Variants in AP3S2 observed in about 807,000 individuals in gnomAD.
AP3S2 encodes adaptor related protein complex 3 subunit sigma 2.
A neutral mutation model predicts 23.4 loss-of-function variants in AP3S2; 22 were observed. The ratio of observed to expected loss-of-function variants is 0.94; its 90% CI spans 0.67 to 1.34. The LOEUF is 1.34. Ranked by LOEUF, AP3S2 falls within the 40% of genes most tolerant of loss-of-function variation. AP3S2 has a pLI of 0.00. For synonymous variants in AP3S2, 86 were observed against 87.1 expected (o/e 0.99, Z 0.07); for missense variants, 241 against 236.9 (o/e 1.02, Z -0.11).
intron 4 of AP3S2, among the ~76,000 whole-genome samples, chr15:89,840,111 TGAA>T (rs1199068246): frequency 6.6e-6 from 1 of 152,142 alleles, no homozygotes; most frequent in African/African-American, 2.4e-5. Context: ...TTTTGCAAGA[TGAA>T]GAGCTCTGGA....
rs1895062804 is a variant in AP3S2 at position 89,830,844 on chromosome 15, C to T, written c.*4671G>A. ...CTGTACAGGGTGATGGGGAGGCCCT[C>T]CTCCCTGGAGAGGGCGGCATGATCC... On this transcript the variant is annotated 3_prime_UTR_variant, in exon 6 of 6. Transcript: ENST00000336418. 6.6e-6 allele frequency: 1 copy of T among 152,288 alleles called. No individual in the cohort carries two copies. Among genetic ancestry groups the T allele is most frequent in the Admixed American group, 6.5e-5 (1 of 15,280 alleles). 9.4% of individuals were successfully genotyped at this position (152,288 alleles called of 1,614,324 possible).
At chr15:89,843,466 C>T (rs1287034089) in intron 4 of AP3S2, among the ~76,000 whole-genome samples, 6 of 151,884 alleles carry the variant, frequency 4.0e-5, no homozygotes, top group South Asian at 4.2e-4. Flanking sequence ...GGTGAAACCC[C>T]GTCTCTACTA....
intron 4 of AP3S2, among the ~76,000 whole-genome samples, chr15:89,846,654 G>C (rs1895499482): frequency 6.6e-6 from 1 of 152,068 alleles, no homozygotes; most frequent in Admixed American, 6.5e-5. Flanking sequence ...AGCCTCCCGA[G>C]TAGCTGGGAC....
At chr15:89,869,350 G>GT (rs1299992169) in intron 4 of AP3S2, among the ~76,000 whole-genome samples, 1 of 148,824 alleles carries the variant, frequency 6.7e-6, no homozygotes, top group African/African-American at 2.5e-5. Flanking sequence ...GATGTGCTTT[G>GT]TTAAACAGAT....
chr15:89,858,703 T>G (rs998890455), intron 4 of AP3S2, among the ~76,000 whole-genome samples: 1 of 152,226 alleles, frequency 6.6e-6, no homozygotes, highest in African/African-American at 2.4e-5. Flanking sequence ...ACAATTCGTT[T>G]TATCTGCAAC....
intron 3 of AP3S2, among the ~76,000 whole-genome samples, chr15:89,875,472 C>T (rs376268505): frequency 3.2e-4 from 48 of 152,248 alleles, no homozygotes; most frequent in African/African-American, 9.6e-4. Flanking sequence ...AAACACAAAG[C>T]GCATGCTGAT....
At chr15:89,863,065 T>A (rs1479068259) in intron 4 of AP3S2, among the ~76,000 whole-genome samples, 1 of 151,992 alleles carries the variant, frequency 6.6e-6, no homozygotes, top group East Asian at 1.9e-4. Context: ...CAGGGTTCTA[T>A]ATGACAGAAA....
At chr15:89,892,172 G>A (rs1306220512) in intron 1 of AP3S2, among the ~76,000 whole-genome samples, 1 of 152,180 alleles carries the variant, frequency 6.6e-6, no homozygotes, top group South Asian at 2.1e-4. Flanking sequence ...CAACGGAATA[G>A]GCAAATTCCA....
At chr15:89,879,145 T>C (rs1192619648) in intron 3 of AP3S2, among the ~76,000 whole-genome samples, 1 of 152,288 alleles carries the variant, frequency 6.6e-6, no homozygotes, top group African/African-American at 2.4e-5. Context: ...TCCCAAAGTA[T>C]TGGTATTACA....
At chr15:89,849,259 C>T (rs1282775803) in intron 4 of AP3S2, among the ~76,000 whole-genome samples, 4 of 152,090 alleles carry the variant, frequency 2.6e-5, no homozygotes, top group South Asian at 2.1e-4. Flanking sequence ...ACTTTAAAAG[C>T]GTATTACACA....
intron 3 of AP3S2, chr15:89,886,380 T>A (rs1287523563): frequency 6.6e-6 from 1 of 152,130 alleles, no homozygotes; most frequent in Non-Finnish European, 1.5e-5. Flanking sequence ...AAAAAAGTTA[T>A]AAAGTTAGTC....
chr15:89,870,985 T>C (rs967219325), intron 4 of AP3S2, among the ~76,000 whole-genome samples: 2 of 152,204 alleles, frequency 1.3e-5, no homozygotes, highest in Non-Finnish European at 2.9e-5. Flanking sequence ...TCTGATAGTC[T>C]ACCTTCCTAT....
intron 4 of AP3S2, among the ~76,000 whole-genome samples, chr15:89,862,980 G>A (rs1159064313): frequency 1.3e-5 from 2 of 152,002 alleles, no homozygotes; most frequent in Non-Finnish European, 2.9e-5. Context: ...AATATGAGAG[G>A]GAGAAGAGAG....
chr15:89,881,381 A>C (rs1049650082), intron 3 of AP3S2, among the ~76,000 whole-genome samples: 2 of 152,196 alleles, frequency 1.3e-5, no homozygotes, highest in Non-Finnish European at 2.9e-5. Context: ...TTAGACAATA[A>C]TTAGTTAAAT....
At chr15:89,845,422 A>C (rs1895462662) in intron 4 of AP3S2, 1 of 152,208 alleles carries the variant, frequency 6.6e-6, no homozygotes. Context: ...CTGAATATGA[A>C]GTTGACCATG....
chr15:89,893,869 G>A lies in AP3S2; in HGVS notation c.69+12C>T, dbSNP rs1420414323. 3 of 1,551,630 alleles carry A rather than the reference G, an allele frequency of 1.9e-6. No homozygotes were observed. The Admixed American group carries it at 5.9e-5, about 30-fold the overall frequency. On this transcript the variant is annotated intron_variant, in intron 1 of 5. Coordinates refer to ENST00000336418, the MANE Select transcript of AP3S2 (RefSeq NM_005829.5). ...GCCCTGAAGGGGCGTGGTGAAGCCGGGCCGCACTCACGAAACGCTGGTAGA... is the reference window on the plus strand; with the variant it reads ...GCCCTGAAGGGGCGTGGTGAAGCCGAGCCGCACTCACGAAACGCTGGTAGA...
At chr15:89,859,762 CT>C (rs34836617) in intron 4 of AP3S2, among the ~76,000 whole-genome samples, 242 of 117,298 alleles carry the variant, frequency 2.1e-3, no homozygotes, top group Non-Finnish European at 2.8e-3. Context: ...TATTGCTGAT[CT>C]TTTTTTTTTT....
intron 4 of AP3S2, among the ~76,000 whole-genome samples, chr15:89,839,274 T>C (rs1234368125): frequency 6.6e-6 from 1 of 152,154 alleles, no homozygotes; most frequent in Non-Finnish European, 1.5e-5. Context: ...CTCCCTGTAT[T>C]TTGCCCTCAG....
chr15:89,859,555 T>A (rs1895960897), intron 4 of AP3S2, among the ~76,000 whole-genome samples: 1 of 150,820 alleles, frequency 6.6e-6, no homozygotes, highest in African/African-American at 2.4e-5. Context: ...CCACCACGCC[T>A]GGGTAATTTT....
Sources: gnomAD v4.1 joint callset for allele counts (sites outside exome capture counted in the v4.1 genomes callset) on GRCh38, gnomAD v4.1.1 for gene constraint, MANE v1.5 for transcripts, NCBI Gene and HGNC (gene_info 2026-07-23, HGNC 2026-07-21) for gene names.